TNNI3K: variants seen among roughly 807,000 people sequenced by gnomAD.
The protein encoded by TNNI3K is serine/threonine-protein kinase TNNI3K.
A neutral mutation model predicts 114.5 loss-of-function variants in TNNI3K; 140 were observed. That is an observed-to-expected ratio of 1.22 (90% confidence interval 1.07 to 1.41). The LOEUF is 1.41. Ranked by LOEUF, TNNI3K falls within the 40% of genes most tolerant of loss-of-function variation. The probability of loss-of-function intolerance (pLI) is 0.00; values close to 1 mark genes in which losing one functional copy is unlikely to be tolerated. For missense variants in TNNI3K, 1,125 were observed against 1,007.6 expected (o/e 1.12, Z -1.58); for synonymous variants, 347 against 347.5 (o/e 1.00, Z 0.02).
chr1:74,382,657 T>C (rs145927671), intron 17 of TNNI3K, among the ~76,000 whole-genome samples: 3 of 152,322 alleles, frequency 2.0e-5, no homozygotes, highest in Admixed American at 2.0e-4. Flanking sequence ...TCTTTAATCC[T>C]GGATGGATGG....
At chr1:74,276,373 T>C (rs1443124796) in intron 5 of TNNI3K, among the ~76,000 whole-genome samples, 1 of 152,078 alleles carries the variant, frequency 6.6e-6, no homozygotes, top group African/African-American at 2.4e-5. Flanking sequence ...ACTTAAGGAA[T>C]TATTAAATAA....
intron 20 of TNNI3K, among the ~76,000 whole-genome samples, chr1:74,445,798 G>A (rs1666631996): frequency 6.6e-6 from 1 of 151,748 alleles, no homozygotes. Context: ...TTTTAGTAGA[G>A]ACGGGGTTTC....
chr1:74,307,349 G>A (rs971629973), intron 5 of TNNI3K, among the ~76,000 whole-genome samples: 11 of 152,044 alleles, frequency 7.2e-5, no homozygotes, highest in African/African-American at 2.2e-4. Context: ...GATAAAAATC[G>A]AGACCCAACT....
intron 12 of TNNI3K, 83 bp from the exon 13 acceptor site, chr1:74,367,825 C>T (rs2100516187): frequency 7.5e-7 from 1 of 1,336,538 alleles, no homozygotes; most frequent in South Asian, 1.4e-5. Flanking sequence ...CGTTTCGTCA[C>T]CTGCTTATTT....
chr1:74,247,222 A>G (rs1220884155), intron 2 of TNNI3K, among the ~76,000 whole-genome samples: 2 of 152,082 alleles, frequency 1.3e-5, no homozygotes, highest in Non-Finnish European at 2.9e-5. Context: ...TGCTGGCTTC[A>G]GGAGTGAAGC....
At chr1:74,382,808 G>A (rs141335875) in intron 17 of TNNI3K, among the ~76,000 whole-genome samples, 7 of 152,246 alleles carry the variant, frequency 4.6e-5, no homozygotes, top group African/African-American at 9.6e-5. Flanking sequence ...GTGTTAGAGC[G>A]TTGATGATGT....
Position 74,271,625 on chromosome 1 carries a change from C to G in TNNI3K, c.361C>G (p.Leu121Val). 1 of 1,608,252 alleles carries G rather than the reference C, an allele frequency of 6.2e-7. No individual in the cohort carries two copies. The highest frequency in any genetic ancestry group is 8.5e-7 in the Non-Finnish European group (1 of 1,176,658). Reference protein sequence around the residue: ...KDNAELITSLLHSGADIQQVG... With the variant: ...KDNAELITSLVHSGADIQQVG... ...TAATGCAGAATTGATCACTTCTCTG[C>G]TTCACAGTGGAGCTGATATACAGCA... The change falls in exon 5 of 25, where the codon CTT (leucine) becomes GTT (valine). Residue 121 changes from leucine (L) to valine (V), a missense_variant. Transcript: ENST00000326637.
chr1:74,413,889 T>C (rs1248789775), intron 17 of TNNI3K, among the ~76,000 whole-genome samples: 2 of 152,198 alleles, frequency 1.3e-5, no homozygotes, highest in African/African-American at 4.8e-5. Flanking sequence ...TTGCAGATGA[T>C]TTAACGTTGA....
At chr1:74,327,565 GT>G (rs1478058127) in intron 5 of TNNI3K, among the ~76,000 whole-genome samples, 1 of 144,656 alleles carries the variant, frequency 6.9e-6, no homozygotes, top group Non-Finnish European at 1.5e-5. Context: ...CTCAGTAGTA[GT>G]TTTTTAATAT....
At chr1:74,389,326 G>A (rs1319790959) in intron 17 of TNNI3K, among the ~76,000 whole-genome samples, 1 of 152,208 alleles carries the variant, frequency 6.6e-6, no homozygotes, top group East Asian at 1.9e-4. Context: ...AATCAGCCTT[G>A]TTGTCAGGGT....
intron 9 of TNNI3K, among the ~76,000 whole-genome samples, chr1:74,350,795 C>CT (rs1661294507): frequency 6.6e-6 from 1 of 152,062 alleles, no homozygotes; most frequent in South Asian, 2.1e-4. Flanking sequence ...CAACCCCTGC[C>CT]TTTTTTTGTT....
At chr1:74,405,235 T>A (rs568349279) in intron 17 of TNNI3K, among the ~76,000 whole-genome samples, 1 of 152,198 alleles carries the variant, frequency 6.6e-6, no homozygotes, top group African/African-American at 2.4e-5. Context: ...GGGGAGCATA[T>A]ACAAAAAGTT....
chr1:74,484,915 A>T (rs760920139), intron 21 of TNNI3K, among the ~76,000 whole-genome samples: 11 of 152,186 alleles, frequency 7.2e-5, no homozygotes, highest in African/African-American at 2.4e-4. Context: ...AAGTAGCAAA[A>T]ATAGGAGGCA....
In TNNI3K at chr1:74,369,292, A is replaced by T. The variant is rs772553857; in HGVS notation, c.1472+28A>T. ...AAGCAAGCAAATGAAAAAATTTAAC[A>T]TCCAGGTGGAATTGTGACCTTTGAG... On this transcript the variant is annotated intron_variant, in intron 15 of 24. Transcript: ENST00000326637. 9.9e-6 allele frequency: 16 copies of T among 1,610,832 alleles called. No individual in the cohort carries two copies. In the Admixed American group the frequency reaches 2.4e-4, roughly 24 times the overall value.
At chr1:74,252,995 C>T (rs904260771) in intron 4 of TNNI3K, among the ~76,000 whole-genome samples, 48 of 152,208 alleles carry the variant, frequency 3.2e-4, no homozygotes, top group African/African-American at 1.0e-3. Flanking sequence ...CTGATTGGTC[C>T]GTTTTACAGA....
At chr1:74,497,927 A>C (rs762639416) in intron 23 of TNNI3K, among the ~76,000 whole-genome samples, 4 of 152,140 alleles carry the variant, frequency 2.6e-5, no homozygotes, top group Non-Finnish European at 5.9e-5. Context: ...AGAGAGTGAT[A>C]CTGTCGCTCT....
At position 74,520,744 on chromosome 1, in the gene TNNI3K, G is replaced by T. The variant is rs141741437; in HGVS notation, c.2352-19490G>T. ...CATACTATGTGGTATTTGGGACTTG[G>T]TCTATGTGGCGGTGATAAAGAAAAC... On this transcript the variant is annotated intron_variant, in intron 23 of 24. Transcript: ENST00000326637. Among the ~76,000 whole-genome samples, 4 of 152,248 alleles carry T rather than the reference G, an allele frequency of 2.6e-5. No individual in the cohort carries two copies. In the East Asian group the frequency reaches 7.7e-4, roughly 29 times the overall value.
At chr1:74,524,346 A>T (rs1646474904) in intron 23 of TNNI3K, among the ~76,000 whole-genome samples, 1 of 152,202 alleles carries the variant, frequency 6.6e-6, no homozygotes, top group Admixed American at 6.5e-5. Flanking sequence ...GGCTTGGCCC[A>T]TTAGATAGCA....
intron 21 of TNNI3K, among the ~76,000 whole-genome samples, chr1:74,488,949 T>A (rs542861336): frequency 6.6e-6 from 1 of 152,322 alleles, no homozygotes; most frequent in East Asian, 1.9e-4. Context: ...TTCCACTATT[T>A]CATTATCTGA....
Sources: allele counts gnomAD v4.1 joint callset (sites outside exome capture counted in the v4.1 genomes callset), GRCh38; gene constraint gnomAD v4.1.1; transcripts MANE v1.5; gene names NCBI Gene and HGNC (gene_info 2026-07-23, HGNC 2026-07-21).